Variants in SPOCK1 observed in about 807,000 individuals in gnomAD.
SPOCK1 encodes testican-1.
A neutral mutation model predicts 55.3 loss-of-function variants in SPOCK1; 23 were observed. The observed-to-expected ratio is 0.42, with a 90% CI of 0.30 to 0.59. The LOEUF is 0.59. Ranked by LOEUF, SPOCK1 falls within the 20% of genes least tolerant of loss-of-function variation. SPOCK1 has a pLI of 0.22. For synonymous variants in SPOCK1, 226 were observed against 221.0 expected, an observed-to-expected ratio of 1.02 and a Z score of -0.20; for missense variants, 499 against 552.5, an observed-to-expected ratio of 0.90 and a Z score of 0.97.
chr5:137,300,519 T>C (rs1263724833), intron 2 of SPOCK1, among the ~76,000 whole-genome samples: 1 of 152,190 alleles, frequency 6.6e-6, no homozygotes. Context: ...TATGTTCCAA[T>C]AGGCAGTTAA....
At chr5:137,140,747 A>ATTTTTTTTTTTTTTTTTTTTTTTT (rs11309240) in intron 3 of SPOCK1, 53 bp from the exon 4 acceptor site, 5 of 328,300 alleles carry the variant, frequency 1.5e-5, no homozygotes, top group Non-Finnish European at 9.4e-6. Context: ...GGGAAATTTA[A>ATTTTTTTTTTTTTTTTTTTTTTTT]TTTTTTTTTT....
At chr5:137,462,463 G>A (rs1450119362) in intron 2 of SPOCK1, among the ~76,000 whole-genome samples, 1 of 152,216 alleles carries the variant, frequency 6.6e-6, no homozygotes, top group Admixed American at 6.5e-5. Flanking sequence ...CAGACACTGG[G>A]CAGCTGGATC....
chr5:137,188,023 A>T (rs763525628), intron 3 of SPOCK1, among the ~76,000 whole-genome samples: 10 of 152,242 alleles, frequency 6.6e-5, no homozygotes, highest in Non-Finnish European at 1.0e-4. Flanking sequence ...TGATAAGAAC[A>T]CATCTCTTGC....
At chr5:137,421,811 T>C (rs180901739) in intron 2 of SPOCK1, among the ~76,000 whole-genome samples, 1 of 152,324 alleles carries the variant, frequency 6.6e-6, no homozygotes, top group African/African-American at 2.4e-5. Context: ...AAGGTTAATA[T>C]TGTTATGTGT....
chr5:137,379,028 G>A (rs1037752248), intron 2 of SPOCK1, among the ~76,000 whole-genome samples: 1 of 152,144 alleles, frequency 6.6e-6, no homozygotes, highest in African/African-American at 2.4e-5. Flanking sequence ...TATATCTTGA[G>A]CCTCTTCATC....
chr5:137,266,128 A>G (rs181052006), intron 3 of SPOCK1, among the ~76,000 whole-genome samples: 82 of 152,338 alleles, frequency 5.4e-4, no homozygotes, highest in African/African-American at 1.9e-3. Flanking sequence ...ACCTTCCTCC[A>G]TGTCACATGT....
At chr5:137,111,589 C>T (rs1456967880) in intron 5 of SPOCK1, among the ~76,000 whole-genome samples, 1 of 152,092 alleles carries the variant, frequency 6.6e-6, no homozygotes, top group Admixed American at 6.5e-5. Context: ...TATGATTTCC[C>T]TTTAGTTCAT....
intron 3 of SPOCK1, among the ~76,000 whole-genome samples, chr5:137,214,807 G>C (rs1048851925): frequency 6.6e-6 from 1 of 152,082 alleles, no homozygotes; most frequent in Non-Finnish European, 1.5e-5. Context: ...GATGACATGA[G>C]GCAGAATTTA....
intron 6 of SPOCK1, among the ~76,000 whole-genome samples, chr5:137,034,354 C>G (rs1751839800): frequency 6.6e-6 from 1 of 152,180 alleles, no homozygotes; most frequent in Non-Finnish European, 1.5e-5. Context: ...GGAGACACTT[C>G]ACCAAGATGA....
intron 3 of SPOCK1, among the ~76,000 whole-genome samples, chr5:137,224,457 G>A (rs1755911785): frequency 6.6e-6 from 1 of 152,156 alleles, no homozygotes; most frequent in Non-Finnish European, 1.5e-5. Flanking sequence ...CAGCCAAACA[G>A]AAATCCTTAA....
chr5:137,074,330 A>T (rs1752683475), intron 5 of SPOCK1, among the ~76,000 whole-genome samples: 1 of 152,180 alleles, frequency 6.6e-6, no homozygotes, highest in Non-Finnish European at 1.5e-5. Context: ...GATATTATGG[A>T]ATGTTCTTAC....
rs138815596 is a variant in SPOCK1, at chr5:137,308,481, G to C, written c.187-41426C>G. On this transcript the variant is annotated intron_variant, in intron 2 of 10. Coordinates refer to ENST00000394945, the MANE Select transcript of SPOCK1 (RefSeq NM_004598.4). ...CTCCCCAGCTTCCCCTGCTTTGAGG[G>C]GCACCTCAGCAGTGAGAGAGCAGTG... Among the ~76,000 whole-genome samples the C allele has an allele frequency of 3.4e-3, 517 of 152,324 alleles. 4 individuals carry two copies. Among genetic ancestry groups the C allele is most frequent in the African/African-American group, 0.011 (457 of 41,566 alleles).
At chr5:137,122,257 GCACACA>G (rs374324093) in intron 4 of SPOCK1, among the ~76,000 whole-genome samples, 1 of 145,884 alleles carries the variant, frequency 6.9e-6, no homozygotes, top group Non-Finnish European at 1.5e-5. Flanking sequence ...ACACACACAC[GCACACA>G]CACACACACA....
intron 6 of SPOCK1, among the ~76,000 whole-genome samples, chr5:137,043,922 G>A (rs1447036961): frequency 6.6e-6 from 1 of 152,194 alleles, no homozygotes; most frequent in Admixed American, 6.5e-5. Flanking sequence ...ATTGATATTT[G>A]TTAATTGTGA....
chr5:137,417,958 C>T (rs889351864), intron 2 of SPOCK1, among the ~76,000 whole-genome samples: 2 of 152,118 alleles, frequency 1.3e-5, no homozygotes, highest in African/African-American at 2.4e-5. Flanking sequence ...TCCCCCCTCC[C>T]GCTACCCTAC....
chr5:137,401,630 A>G (rs764700076), intron 2 of SPOCK1, among the ~76,000 whole-genome samples: 20 of 151,942 alleles, frequency 1.3e-4, no homozygotes, highest in Non-Finnish European at 1.5e-4. Flanking sequence ...CTCTAGTCTC[A>G]ACTACTTGGA....
chr5:137,159,274 C>G (rs1282807513), intron 3 of SPOCK1, among the ~76,000 whole-genome samples: 1 of 152,124 alleles, frequency 6.6e-6, no homozygotes, highest in Non-Finnish European at 1.5e-5. Context: ...AAAATGGGAT[C>G]ACTTCTACTT....
chr5:137,381,419 C>A (rs1260419447), intron 2 of SPOCK1, among the ~76,000 whole-genome samples: 9 of 152,200 alleles, frequency 5.9e-5, no homozygotes, highest in African/African-American at 2.2e-4. Flanking sequence ...CTCTATGTTT[C>A]CCCTCTGTAC....
At chr5:137,206,617 C>G (rs1755525262) in intron 3 of SPOCK1, among the ~76,000 whole-genome samples, 2 of 152,200 alleles carry the variant, frequency 1.3e-5, no homozygotes, top group Admixed American at 1.3e-4. Flanking sequence ...CTCCTTAGGG[C>G]TCCTGTGAGG....
Sources: allele counts gnomAD v4.1 joint callset (sites outside exome capture counted in the v4.1 genomes callset), GRCh38; gene constraint gnomAD v4.1.1; transcripts MANE v1.5; gene names NCBI Gene and HGNC (gene_info 2026-07-23, HGNC 2026-07-21).